Variants in SMARCC1 observed in about 807,000 individuals in gnomAD.
The protein encoded by SMARCC1 is SWI/SNF related BAF chromatin remodeling complex subunit C1.
In SMARCC1, 43 loss-of-function variants were observed where a neutral mutation model predicts 147.4. The observed-to-expected ratio is 0.29, with a 90% CI of 0.23 to 0.38. SMARCC1 has a LOEUF of 0.38. SMARCC1 is among the 10% of genes least tolerant of loss of function. SMARCC1 has a pLI of 1.00. For synonymous variants in SMARCC1, 495 were observed against 484.4 expected (o/e 1.02, Z -0.29); for missense variants, 1,119 against 1,381.1 (o/e 0.81, Z 3.01).
At chr3:47,749,709 TTAAA>T (rs2034605669) in intron 2 of SMARCC1, among the ~76,000 whole-genome samples, 1 of 20,906 alleles carries the variant, frequency 4.8e-5, no homozygotes, top group Non-Finnish European at 1.6e-4. Flanking sequence ...ACCCTCTAAA[TTAAA>T]CACACACACA....
intron 26 of SMARCC1, among the ~76,000 whole-genome samples, chr3:47,609,827 T>C (rs1160258780): frequency 1.3e-5 from 2 of 152,154 alleles, no homozygotes; most frequent in Non-Finnish European, 2.9e-5. Flanking sequence ...CTCTGAGATA[T>C]TACTGTCCAA....
intron 21 of SMARCC1, among the ~76,000 whole-genome samples, chr3:47,655,612 G>A (rs542506999): frequency 6.7e-6 from 1 of 148,220 alleles, no homozygotes; most frequent in South Asian, 2.2e-4. Flanking sequence ...CAGCAGAATC[G>A]CTTGAGCCTG....
intron 10 of SMARCC1, among the ~76,000 whole-genome samples, chr3:47,703,595 G>T (rs1057468675): frequency 2.0e-5 from 3 of 152,156 alleles, no homozygotes; most frequent in African/African-American, 7.2e-5. Context: ...CTTGCTTTGG[G>T]AAGTACTGGG....
chr3:47,742,142 A>G (rs2034516707), intron 3 of SMARCC1, among the ~76,000 whole-genome samples: 1 of 152,072 alleles, frequency 6.6e-6, no homozygotes, highest in South Asian at 2.1e-4. Context: ...TTATAGTTCT[A>G]ATTTGCATTC....
At chr3:47,726,616 G>C (rs1207714579) in intron 6 of SMARCC1, among the ~76,000 whole-genome samples, 2 of 152,174 alleles carry the variant, frequency 1.3e-5, no homozygotes, top group Non-Finnish European at 2.9e-5. Flanking sequence ...TACACCCAAT[G>C]AACAGCAACT....
At chr3:47,661,477 A>C (rs2033346978) in intron 20 of SMARCC1, 22 bp from the exon 21 acceptor site, 1 of 1,588,088 alleles carries the variant, frequency 6.3e-7, no homozygotes, top group African/African-American at 1.4e-5. Flanking sequence ...ATAAAAATGG[A>C]ACAGCAATCT....
intron 19 of SMARCC1, among the ~76,000 whole-genome samples, chr3:47,669,112 TATTGCAAACAATTCCTGTTGACTGA>T (rs2033463865): frequency 6.6e-6 from 1 of 152,242 alleles, no homozygotes; most frequent in Admixed American, 6.5e-5. Context: ...CTCTTTGTGT[TATTGCAAACAATTCCTGTTGACTGA>T]ATTGCAAGAT....
chr3:47,625,090 A>G (rs966598611), intron 24 of SMARCC1, among the ~76,000 whole-genome samples: 1 of 151,960 alleles, frequency 6.6e-6, no homozygotes, highest in African/African-American at 2.4e-5. Context: ...AACCAAAGCT[A>G]GATAATGTGC....
chr3:47,751,555 A>C (rs1404973572), intron 2 of SMARCC1, among the ~76,000 whole-genome samples: 1 of 140,532 alleles, frequency 7.1e-6, no homozygotes, highest in Admixed American at 7.2e-5. Context: ...AAAAAAAAAA[A>C]GAAAACAAAA....
intron 2 of SMARCC1, among the ~76,000 whole-genome samples, chr3:47,756,767 A>C (rs2034703693): frequency 6.6e-6 from 1 of 152,216 alleles, no homozygotes; most frequent in Non-Finnish European, 1.5e-5. Context: ...TGCATCACAA[A>C]CCATATGACC....
intron 19 of SMARCC1, among the ~76,000 whole-genome samples, chr3:47,666,838 G>A (rs1018379632): frequency 6.6e-6 from 1 of 152,114 alleles, no homozygotes; most frequent in Admixed American, 6.5e-5. Flanking sequence ...CTTAAGAAAA[G>A]TTTTTTAATA....
At chr3:47,713,259 C>T (rs549076791) in intron 8 of SMARCC1, among the ~76,000 whole-genome samples, 3 of 151,648 alleles carry the variant, frequency 2.0e-5, no homozygotes, top group East Asian at 1.9e-4. Flanking sequence ...TGGAGCTTGC[C>T]GTAAGCCGAG....
At chr3:47,634,139 A>G (rs2032937309) in intron 24 of SMARCC1, among the ~76,000 whole-genome samples, 1 of 152,176 alleles carries the variant, frequency 6.6e-6, no homozygotes, top group South Asian at 2.1e-4. Context: ...TTCTTTAGCT[A>G]ATTTTAGTTA....
chr3:47,724,834 AG>A (rs2034279367), intron 6 of SMARCC1, among the ~76,000 whole-genome samples: 1 of 152,210 alleles, frequency 6.6e-6, no homozygotes, highest in Admixed American at 6.5e-5. Flanking sequence ...GTGAGGCAGG[AG>A]GATCACTTGA....
intron 5 of SMARCC1, among the ~76,000 whole-genome samples, chr3:47,733,457 T>TA (rs2034400759): frequency 6.6e-6 from 1 of 151,820 alleles, no homozygotes; most frequent in Non-Finnish European, 1.5e-5. Flanking sequence ...CACCTGTTGT[T>TA]AAAAAAAGAA....
At chr3:47,742,742 C>A (rs2034523439) in intron 3 of SMARCC1, among the ~76,000 whole-genome samples, 1 of 152,224 alleles carries the variant, frequency 6.6e-6, no homozygotes, top group South Asian at 2.1e-4. Flanking sequence ...ACCACCACAC[C>A]CAGCTAATTT....
intron 3 of SMARCC1, among the ~76,000 whole-genome samples, chr3:47,745,642 C>T (rs952472639): frequency 6.6e-6 from 1 of 152,084 alleles, no homozygotes; most frequent in African/African-American, 2.4e-5. Flanking sequence ...GAATCTGATG[C>T]GCGGGATGCA....
At chr3:47,664,177 C>CT (rs1181611109) in intron 19 of SMARCC1, among the ~76,000 whole-genome samples, 4 of 135,878 alleles carry the variant, frequency 2.9e-5, no homozygotes, top group Admixed American at 7.5e-5. Flanking sequence ...TTAATAAACT[C>CT]TAAAAAAAAA....
chr3:47,761,626 G>C (rs925975576), intron 2 of SMARCC1, among the ~76,000 whole-genome samples: 2 of 152,008 alleles, frequency 1.3e-5, no homozygotes, highest in Non-Finnish European at 2.9e-5. Context: ...TTTCTTTCAC[G>C]TAAGTCCATC....
Sources: gnomAD v4.1 joint callset for allele counts (sites outside exome capture counted in the v4.1 genomes callset) on GRCh38, gnomAD v4.1.1 for gene constraint, MANE v1.5 for transcripts, NCBI Gene and HGNC (gene_info 2026-07-23, HGNC 2026-07-21) for gene names.